CLASP2: variants seen among roughly 807,000 people sequenced by gnomAD.
The protein encoded by CLASP2 is cytoplasmic linker associated protein 2, also known as CLIP-associating protein 2.
A neutral mutation model predicts 194.4 loss-of-function variants in CLASP2; 47 were observed. That is an observed-to-expected ratio of 0.24 (90% confidence interval 0.19 to 0.31). The LOEUF is 0.31. CLASP2 is among the 10% of genes least tolerant of loss of function. The probability of loss-of-function intolerance (pLI) is 1.00; values close to 1 mark genes in which losing one functional copy is unlikely to be tolerated. For synonymous variants in CLASP2, 619 were observed against 633.5 expected (o/e 0.98, Z 0.34); for missense variants, 1,445 against 1,823.6 (o/e 0.79, Z 3.78).
At chr3:33,580,941 A>G (rs1454341550) in intron 23 of CLASP2, among the ~76,000 whole-genome samples, 5 of 140,810 alleles carry the variant, frequency 3.6e-5, no homozygotes, top group African/African-American at 1.1e-4. Context: ...GTGTGAACCC[A>G]GGAGGCAGAG....
intron 10 of CLASP2, among the ~76,000 whole-genome samples, chr3:33,622,972 A>G (rs2077353784): frequency 6.6e-6 from 1 of 151,748 alleles, no homozygotes; most frequent in Non-Finnish European, 1.5e-5. Context: ...CCGTGCCTGG[A>G]TAATTTTTGT....
intron 2 of CLASP2, among the ~76,000 whole-genome samples, chr3:33,692,848 T>C (rs2091496201): frequency 6.6e-6 from 1 of 152,180 alleles, no homozygotes; most frequent in Admixed American, 6.5e-5. Flanking sequence ...ATTTGGACAA[T>C]GACACATGGA....
intron 34 of CLASP2, among the ~76,000 whole-genome samples, chr3:33,517,441 T>A (rs748524830): frequency 2.6e-5 from 4 of 152,214 alleles, no homozygotes; most frequent in Non-Finnish European, 4.4e-5. Context: ...TTTAACAGTT[T>A]TTAAGATTTT....
chr3:33,530,760 A>G (rs575140354), intron 34 of CLASP2, among the ~76,000 whole-genome samples: 121 of 152,364 alleles, frequency 7.9e-4, no homozygotes, highest in Non-Finnish European at 1.5e-3. Context: ...ATGGCTGTAC[A>G]TCGGAATTAA....
At chr3:33,599,647 T>C (rs545016839) in intron 18 of CLASP2, among the ~76,000 whole-genome samples, 2 of 152,268 alleles carry the variant, frequency 1.3e-5, no homozygotes, top group African/African-American at 4.8e-5. Context: ...TGCTGAAAAC[T>C]AACAGAACAC....
chr3:33,658,300 ATATATATTAAG>A (rs1043744285), intron 7 of CLASP2, among the ~76,000 whole-genome samples: 1 of 152,158 alleles, frequency 6.6e-6, no homozygotes, highest in Admixed American at 6.5e-5. Flanking sequence ...TGAGGAGTTA[ATATATATTAAG>A]TATACAAAAG....
intron 33 of CLASP2, among the ~76,000 whole-genome samples, chr3:33,537,304 T>C (rs942318652): frequency 1.3e-5 from 2 of 152,198 alleles, no homozygotes; most frequent in Admixed American, 6.5e-5. Context: ...TAAGCTGGTT[T>C]TGGCAGCCAG....
intron 8 of CLASP2, among the ~76,000 whole-genome samples, chr3:33,639,660 T>C (rs1476973421): frequency 6.6e-6 from 1 of 152,178 alleles, no homozygotes; most frequent in Non-Finnish European, 1.5e-5. Flanking sequence ...ATAATTTATA[T>C]GTTATTTACT....
chr3:33,565,532 G>T (rs1265855031), intron 27 of CLASP2, among the ~76,000 whole-genome samples: 1 of 151,918 alleles, frequency 6.6e-6, no homozygotes, highest in Non-Finnish European at 1.5e-5. Flanking sequence ...ACAGTATATA[G>T]GCTGGGCGTG....
intron 6 of CLASP2, among the ~76,000 whole-genome samples, chr3:33,672,878 G>A (rs1374670662): frequency 6.6e-6 from 1 of 152,014 alleles, no homozygotes; most frequent in Non-Finnish European, 1.5e-5. Flanking sequence ...GAAGCAAGAA[G>A]GGAAGTTTAG....
chr3:33,579,289 G>C (rs2065526915), intron 23 of CLASP2, among the ~76,000 whole-genome samples: 1 of 152,136 alleles, frequency 6.6e-6, no homozygotes, highest in Non-Finnish European at 1.5e-5. Context: ...TGGAAGCTTT[G>C]AGATGAACTA....
At chr3:33,620,679 G>T (rs1453612938) in intron 11 of CLASP2, among the ~76,000 whole-genome samples, 1 of 152,184 alleles carries the variant, frequency 6.6e-6, no homozygotes, top group Non-Finnish European at 1.5e-5. Context: ...ATGTACTTGA[G>T]AATCAGCTTG....
chr3:33,589,257 A>G (rs1365781034), intron 21 of CLASP2, among the ~76,000 whole-genome samples: 1 of 152,110 alleles, frequency 6.6e-6, no homozygotes, highest in Non-Finnish European at 1.5e-5. Flanking sequence ...CCAACAGAAA[A>G]AGAGACACAA....
chr3:33,504,180 T>G (rs2047523521), intron 37 of CLASP2: 2 of 152,220 alleles, frequency 1.3e-5, no homozygotes, highest in African/African-American at 2.4e-5. Context: ...TTAATTTTGA[T>G]GAAGTTCAAT....
chr3:33,562,421 A>G (rs995955809), intron 27 of CLASP2, among the ~76,000 whole-genome samples: 1 of 152,080 alleles, frequency 6.6e-6, no homozygotes, highest in Non-Finnish European at 1.5e-5. Context: ...GCATGTAACT[A>G]ATCTGGTACT....
intron 6 of CLASP2, among the ~76,000 whole-genome samples, chr3:33,675,670 T>G (rs891069401): frequency 1.3e-5 from 2 of 148,830 alleles, no homozygotes; most frequent in Non-Finnish European, 3.0e-5. Flanking sequence ...GATGACATGA[T>G]TGTATATCTA....
chr3:33,670,111 C>CATAT (rs1324298737), intron 6 of CLASP2, among the ~76,000 whole-genome samples: 1 of 152,042 alleles, frequency 6.6e-6, no homozygotes. Flanking sequence ...TACACGCACA[C>CATAT]ATATATATAC....
chr3:33,578,596 T>A (rs529333347), intron 23 of CLASP2, among the ~76,000 whole-genome samples: 1 of 152,288 alleles, frequency 6.6e-6, no homozygotes, highest in African/African-American at 2.4e-5. Context: ...CACAAAATGT[T>A]TAGTTAGCCC....
chr3:33,710,459 G>A (rs1329523088), intron 1 of CLASP2, among the ~76,000 whole-genome samples: 1 of 152,116 alleles, frequency 6.6e-6, no homozygotes, highest in Non-Finnish European at 1.5e-5. Context: ...TATAGTTTCA[G>A]CTACTCAGAA....
Sources: gnomAD v4.1 joint callset for allele counts (sites outside exome capture counted in the v4.1 genomes callset) on GRCh38, gnomAD v4.1.1 for gene constraint, MANE v1.5 for transcripts, NCBI Gene and HGNC (gene_info 2026-07-23, HGNC 2026-07-21) for gene names.